The following PCDHA10 variants were observed in gnomAD, a reference collection of about 807,000 sequenced individuals.
PCDHA10 encodes protocadherin alpha 10.
Under a neutral mutation model 61.2 loss-of-function variants are expected in PCDHA10, and 45 were observed. The observed-to-expected ratio is 0.74, with a 90% CI of 0.58 to 0.94. PCDHA10 has a LOEUF of 0.94. Among genes scored for constraint, PCDHA10 ranks in the 40% least tolerant of loss-of-function variants. The probability of loss-of-function intolerance (pLI) is 0.00; values close to 1 mark genes in which losing one functional copy is unlikely to be tolerated. For synonymous variants in PCDHA10, 602 were observed against 548.8 expected, an observed-to-expected ratio of 1.10 and a Z score of -1.35; for missense variants, 1,278 against 1,236.2, an observed-to-expected ratio of 1.03 and a Z score of -0.51.
rs190555934 is a variant in PCDHA10 at position 140,905,437 on chromosome 5, C to G, written c.2388+47001C>G. Among the ~76,000 whole-genome samples the G allele has an allele frequency of 2.8e-3, 421 of 152,248 alleles. 2 individuals carry two copies. The highest frequency in any genetic ancestry group is 0.014 in the Middle Eastern group (4 of 294). On this transcript the variant is annotated intron_variant, in intron 1 of 3. Coordinates refer to ENST00000307360, the MANE Select transcript of PCDHA10 (RefSeq NM_018901.4). ...TACCATGCTGGTTTGATAACTACAG[C>G]CTTTTAGTATAATTTAAAGTCAGGT...
chr5:140,925,371 A>G (rs1266840293), intron 1 of PCDHA10, among the ~76,000 whole-genome samples: 2 of 152,136 alleles, frequency 1.3e-5, no homozygotes, highest in Non-Finnish European at 2.9e-5. Context: ...CATAGTCAAT[A>G]GTCAATGAGT....
At chr5:140,977,955 C>T (rs1280190913) in intron 1 of PCDHA10, among the ~76,000 whole-genome samples, 1 of 152,170 alleles carries the variant, frequency 6.6e-6, no homozygotes, top group African/African-American at 2.4e-5. Context: ...GACAGGGCCA[C>T]CTCAATCTCC....
intron 1 of PCDHA10, among the ~76,000 whole-genome samples, chr5:140,972,741 G>T (rs1453484254): frequency 6.9e-6 from 1 of 145,350 alleles, no homozygotes; most frequent in Non-Finnish European, 1.5e-5. Context: ...CCGGCTCACT[G>T]CAACCTCCGC....
At chr5:140,862,755 C>A in intron 1 of PCDHA10, 1 of 577,344 alleles carries the variant, frequency 1.7e-6, no homozygotes, top group South Asian at 1.4e-5. Context: ...ACGCGGAGAG[C>A]GGCAAGAGGT....
rs1367500775 is a variant in PCDHA10, at chr5:140,929,192, A to G, written c.2389-49757A>G. ...TCTCTGGGACTTGGTTCTGATAATA[A>G]CAGTTTGCTGTTGCGTGGGGAGTAC... On this transcript the variant is annotated intron_variant, in intron 1 of 3. Transcript: ENST00000307360. The G allele has an allele frequency of 8.1e-6, 13 of 1,614,124 alleles. 1 individual carries two copies. The highest frequency in any genetic ancestry group is 1.0e-5 in the Non-Finnish European group (12 of 1,180,018).
chr5:140,877,632 G>A (rs2057247482), intron 1 of PCDHA10: 2 of 1,613,768 alleles, frequency 1.2e-6, no homozygotes, highest in East Asian at 4.5e-5. Context: ...TGTACACTGC[G>A]CTGCGTTGCT....
rs782114957 is a variant in PCDHA10 at position 140,856,304 on chromosome 5, A to C, written c.256A>C (p.Asn86His). Residue 86 changes from asparagine (N) to histidine (H), a missense_variant, in exon 1 of 4, where the codon AAT becomes CAT. Coordinates refer to ENST00000307360, the MANE Select transcript of PCDHA10 (RefSeq NM_018901.4). ...VNLQNGILFV[N>H]SRIDREELCG... ...TCTGCAGAATGGCATTTTGTTTGTG[A>C]ATTCTCGGATTGACCGCGAGGAGCT... The C allele has an allele frequency of 1.3e-5, 21 of 1,598,432 alleles. No homozygotes were observed. Among genetic ancestry groups the C allele is most frequent in the Non-Finnish European group, 1.8e-5 (21 of 1,167,992 alleles).
chr5:140,985,084 T>A (rs2097135513), intron 3 of PCDHA10, among the ~76,000 whole-genome samples: 1 of 151,986 alleles, frequency 6.6e-6, no homozygotes. Context: ...ACTACAGGCG[T>A]GTGCCACCAA....
intron 1 of PCDHA10, chr5:140,878,201 T>C (rs1157119125): frequency 6.1e-6 from 1 of 164,102 alleles, no homozygotes; most frequent in African/African-American, 2.4e-5. Context: ...GTTGCAAGAA[T>C]GGTACAAAGA....
At chr5:140,944,543 G>C (rs2093667961) in intron 1 of PCDHA10, among the ~76,000 whole-genome samples, 1 of 152,142 alleles carries the variant, frequency 6.6e-6, no homozygotes, top group South Asian at 2.1e-4. Context: ...AGTATTTAAA[G>C]ATCATAGTTT....
intron 1 of PCDHA10, among the ~76,000 whole-genome samples, chr5:140,955,016 T>C (rs1389069329): frequency 6.6e-6 from 1 of 152,226 alleles, no homozygotes; most frequent in Admixed American, 6.5e-5. Context: ...CCCAGCACCA[T>C]TTATTAAATA....
chr5:140,875,834 T>C (rs1562703586), intron 1 of PCDHA10: 2 of 1,613,958 alleles, frequency 1.2e-6, no homozygotes, highest in Non-Finnish European at 1.7e-6. Context: ...CATGTGGACG[T>C]GGAGGTGAAG....
At position 140,863,948 on chromosome 5, in the gene PCDHA10, C is replaced by T. The variant is rs782241873; in HGVS notation, c.2388+5512C>T. On this transcript the variant is annotated intron_variant, in intron 1 of 3. Transcript: ENST00000307360. ...CCTAGGAGGCAGAGGTTGCGGTGAG[C>T]CTAGATTAGGCCACTGCACTACAGC... is the stretch of plus-strand genomic sequence containing the variant. 1.5e-3 allele frequency: 237 copies of T among 158,844 alleles called. 8 individuals carry two copies. The highest frequency in any genetic ancestry group is 2.3e-3 in the Admixed American group (40 of 17,122). 9.8% of individuals were successfully genotyped at this position (158,844 alleles called of 1,614,324 possible). A position where few individuals can be genotyped will look rare whatever the true frequency, so the allele number is the denominator to read the frequency against.
rs57893927 is a variant in PCDHA10 at position 140,946,631 on chromosome 5, T to TATATATAC, written c.2389-32317_2389-32316insTATATACA. Among the ~76,000 whole-genome samples the TATATATAC allele has an allele frequency of 9.9e-4, 130 of 131,716 alleles. 1 individual carries two copies. The highest frequency in any genetic ancestry group is 2.9e-3 in the East Asian group (14 of 4,862). 86.4% of individuals were successfully genotyped at this position (131,716 alleles called of 152,430 possible). A position where few individuals can be genotyped will look rare whatever the true frequency, so the allele number is the denominator to read the frequency against. ...TGTGAAATATATATATATATATATA[T>TATATATAC]ACAATGGAATACTCATCAGCCATTA... On this transcript the variant is annotated intron_variant, in intron 1 of 3. Coordinates refer to ENST00000307360, the MANE Select transcript of PCDHA10 (RefSeq NM_018901.4).
intron 1 of PCDHA10, chr5:140,967,561 G>T: frequency 6.2e-7 from 1 of 1,614,076 alleles, no homozygotes; most frequent in Non-Finnish European, 8.5e-7. Flanking sequence ...ATCGCGTCCA[G>T]CTACGGGAGG....
At chr5:140,862,371 T>C in intron 1 of PCDHA10, 1 of 341,736 alleles carries the variant, frequency 2.9e-6, no homozygotes, top group Non-Finnish European at 5.8e-6. Flanking sequence ...ACCCGCACCC[T>C]GACTCCTCAC....
At chr5:140,967,010 C>A (rs781936791) in intron 1 of PCDHA10, 2 of 1,606,340 alleles carry the variant, frequency 1.2e-6, no homozygotes, top group Admixed American at 3.3e-5. Context: ...CATCAACCAT[C>A]TGGGTGCGCC....
At chr5:140,877,277 G>A in intron 1 of PCDHA10, 1 of 1,613,830 alleles carries the variant, frequency 6.2e-7, no homozygotes, top group South Asian at 1.1e-5. Context: ...GCTGACTCCG[G>A]CTATAACGCT....
chr5:140,870,252 G>C lies in PCDHA10; in HGVS notation c.2388+11816G>C, dbSNP rs782545691. On this transcript the variant is annotated intron_variant, in intron 1 of 3. Coordinates refer to ENST00000307360, the MANE Select transcript of PCDHA10 (RefSeq NM_018901.4). ...ACCGTGACTCAGGTGTCAACGGACA[G>C]GTGACCTGCTCGCTGACGCCCCACG... The C allele has an allele frequency of 4.3e-6, 7 of 1,614,080 alleles. No homozygotes were observed. The South Asian group carries it at 7.7e-5, about 18-fold the overall frequency.
Sources: gnomAD v4.1 joint callset for allele counts (sites outside exome capture counted in the v4.1 genomes callset) on GRCh38, gnomAD v4.1.1 for gene constraint, MANE v1.5 for transcripts, NCBI Gene and HGNC (gene_info 2026-07-23, HGNC 2026-07-21) for gene names.